PIK3CB: variants seen among roughly 807,000 people sequenced by gnomAD.
PIK3CB encodes phosphatidylinositol 4,5-bisphosphate 3-kinase catalytic subunit beta isoform.
A neutral mutation model predicts 136.8 loss-of-function variants in PIK3CB; 39 were observed. The ratio of observed to expected loss-of-function variants is 0.29; its 90% confidence interval spans 0.22 to 0.37. The LOEUF (loss-of-function observed/expected upper bound fraction) is 0.37, where lower values mean the gene tolerates loss of function less well. Among genes scored for constraint, PIK3CB ranks in the 10% least tolerant of loss-of-function variants. The pLI is 1.00. For missense variants in PIK3CB, 868 were observed against 1,275.4 expected (o/e 0.68, Z 4.87); for synonymous variants, 428 against 436.6 (o/e 0.98, Z 0.25).
intron 1 of PIK3CB, among the ~76,000 whole-genome samples, chr3:138,832,598 C>T (rs1221568432): frequency 6.6e-6 from 1 of 151,802 alleles, no homozygotes; most frequent in African/African-American, 2.4e-5. Context: ...GAGGCCGAGG[C>T]GGGCGGATAC....
intron 5 of PIK3CB, among the ~76,000 whole-genome samples, chr3:138,740,572 G>A (rs1247306576): frequency 6.6e-6 from 1 of 152,054 alleles, no homozygotes; most frequent in Admixed American, 6.6e-5. Context: ...CTCCCAGTAA[G>A]ACACCAATGA....
At chr3:138,730,821 A>T (rs762366637) in intron 8 of PIK3CB, among the ~76,000 whole-genome samples, 3 of 152,134 alleles carry the variant, frequency 2.0e-5, no homozygotes, top group Non-Finnish European at 4.4e-5. Context: ...AGTCCTAGCT[A>T]CTTGGGAGGC....
chr3:138,725,023 G>T (rs189330698), intron 8 of PIK3CB, among the ~76,000 whole-genome samples: 1 of 152,064 alleles, frequency 6.6e-6, no homozygotes, highest in Non-Finnish European at 1.5e-5. Context: ...TGGGGGTAGG[G>T]GGTGTGGGTG....
At chr3:138,722,172 CTA>C (rs1409286513) in intron 8 of PIK3CB, among the ~76,000 whole-genome samples, 10 of 141,170 alleles carry the variant, frequency 7.1e-5, no homozygotes, top group Non-Finnish European at 1.4e-4. Context: ...TAACTATCCT[CTA>C]TTTTTTTTAA....
At chr3:138,689,061 A>C (rs2043954700) in intron 15 of PIK3CB, 87 bp from the exon 16 acceptor site, 2 of 783,626 alleles carry the variant, frequency 2.6e-6, no homozygotes, top group Admixed American at 4.6e-5. Context: ...TTCTACAAAA[A>C]ATAAACTTAT....
At chr3:138,777,729 A>G (rs527992364) in intron 2 of PIK3CB, 121 of 154,990 alleles carry the variant, frequency 7.8e-4, no homozygotes, top group South Asian at 1.6e-3. Flanking sequence ...ACAGTCAATA[A>G]TTCATTTTTT....
intron 1 of PIK3CB, among the ~76,000 whole-genome samples, chr3:138,822,459 A>G (rs1349075975): frequency 6.6e-6 from 1 of 151,894 alleles, no homozygotes; most frequent in African/African-American, 2.4e-5. Context: ...AGGCAGGAGA[A>G]CAGCTGGAAC....
intron 10 of PIK3CB, among the ~76,000 whole-genome samples, chr3:138,709,710 T>C (rs571468950): frequency 1.3e-5 from 2 of 152,302 alleles, no homozygotes; most frequent in Middle Eastern, 3.4e-3. Context: ...GTCAGGTTCA[T>C]AGTATTATGC....
rs1222486037 is a variant in PIK3CB, at chr3:138,764,147, A to G, written c.-16-4788T>C. ...AAAAAAAATTCTTGATGAAATGATTATATCTAAAATGAATTACAAGGCTAA... is the reference window on the plus strand; with the variant it reads ...AAAAAAAATTCTTGATGAAATGATTGTATCTAAAATGAATTACAAGGCTAA... On this transcript the variant is annotated intron_variant, in intron 2 of 23. Transcript: ENST00000674063. Among the ~76,000 whole-genome samples, 6 of 149,796 alleles carry G rather than the reference A, an allele frequency of 4.0e-5. No individual in the cohort carries two copies. In the South Asian group the frequency reaches 1.3e-3, roughly 32 times the overall value.
intron 4 of PIK3CB, among the ~76,000 whole-genome samples, chr3:138,745,525 T>G (rs541830888): frequency 6.6e-6 from 1 of 151,826 alleles, no homozygotes; most frequent in African/African-American, 2.4e-5. Context: ...CTCAGCTACT[T>G]GGGGGGCTGA....
chr3:138,723,765 C>T (rs563680234), intron 8 of PIK3CB, among the ~76,000 whole-genome samples: 1 of 152,128 alleles, frequency 6.6e-6, no homozygotes, highest in Non-Finnish European at 1.5e-5. Context: ...TAAAAATGTT[C>T]TGTGTTGAAT....
chr3:138,792,331 TG>T (rs1284517265), intron 2 of PIK3CB, among the ~76,000 whole-genome samples: 1 of 143,986 alleles, frequency 6.9e-6, no homozygotes, highest in East Asian at 2.2e-4. Flanking sequence ...GCATTTACAT[TG>T]TATTAGGTAT....
chr3:138,763,433 G>A (rs530806280), intron 2 of PIK3CB, among the ~76,000 whole-genome samples: 8 of 152,146 alleles, frequency 5.3e-5, no homozygotes, highest in East Asian at 1.9e-4. Context: ...CACCGTGCCC[G>A]GCCCAGAAGT....
chr3:138,670,081 T>A (rs963108762), intron 19 of PIK3CB, among the ~76,000 whole-genome samples: 1 of 152,240 alleles, frequency 6.6e-6, no homozygotes, highest in Non-Finnish European at 1.5e-5. Flanking sequence ...ATGCTTCCCA[T>A]CAGCTAGACA....
chr3:138,713,130 A>C (rs2044539220), intron 9 of PIK3CB, among the ~76,000 whole-genome samples: 1 of 151,884 alleles, frequency 6.6e-6, no homozygotes, highest in South Asian at 2.1e-4. Context: ...ATACTAAGGA[A>C]CTAATGCTTC....
At chr3:138,689,661 T>C (rs2043967278) in intron 15 of PIK3CB, among the ~76,000 whole-genome samples, 1 of 152,248 alleles carries the variant, frequency 6.6e-6, no homozygotes, top group Non-Finnish European at 1.5e-5. Flanking sequence ...AAAGCTATGA[T>C]ATTCTATAAT....
intron 1 of PIK3CB, among the ~76,000 whole-genome samples, chr3:138,798,218 G>A (rs1321110359): frequency 4.6e-5 from 7 of 152,072 alleles, no homozygotes; most frequent in African/African-American, 1.7e-4. Context: ...AGGCTGAAGT[G>A]TGGTGGCACA....
At position 138,657,606 on chromosome 3, in the gene PIK3CB, T is replaced by C. The variant is rs2043214906; in HGVS notation, c.2942+84A>G. ...ACTGAATATCTCCCAGATCCAAATA[T>C]ATCTCAGCTAAGAAATGCTGGTCCA... On this transcript the variant is annotated intron_variant, in intron 22 of 23. Transcript: ENST00000674063. 3.3e-6 allele frequency: 4 copies of C among 1,199,226 alleles called. No homozygotes were observed. In the South Asian group the frequency reaches 5.5e-5, roughly 16 times the overall value. The allele number at this position is 1,199,226 out of a possible 1,614,324, so 74.3% of individuals were successfully genotyped here.
chr3:138,734,709 G>T lies in PIK3CB; in HGVS notation c.897C>A (p.Ala299=), dbSNP rs1261124831. The change falls in exon 7 of 24, where the codon GCC becomes GCA. Residue 299 remains alanine, a synonymous_variant. Transcript: ENST00000674063. ...IKKMYEQEMI[A]IEAAINRNSS... The stretch of plus-strand genomic sequence containing the variant: ...AATTTCGATTTATGGCAGCCTCTAT[G>T]GCAATCATTTCTTGTTCATACATTT... 1 of 1,612,630 alleles carries T rather than the reference G, an allele frequency of 6.2e-7. No homozygotes were observed. The highest frequency in any genetic ancestry group is 1.7e-5 in the Admixed American group (1 of 59,972).
Sources: gnomAD v4.1 joint callset for allele counts (sites outside exome capture counted in the v4.1 genomes callset) on GRCh38, gnomAD v4.1.1 for gene constraint, MANE v1.5 for transcripts, NCBI Gene and HGNC (gene_info 2026-07-23, HGNC 2026-07-21) for gene names.